RFC3: variants seen among roughly 807,000 people sequenced by gnomAD.
RFC3 encodes the protein replication factor C subunit 3, also known as A1 38 kDa subunit.
RFC3 carries 41 observed loss-of-function variants against 45.1 expected under a neutral mutation model. The ratio of observed to expected loss-of-function variants is 0.91; its 90% confidence interval spans 0.71 to 1.18. The LOEUF is 1.18. Ranked by LOEUF, RFC3 falls within the 50% of genes most tolerant of loss-of-function variation. The pLI is 0.00. For synonymous variants in RFC3, 149 were observed against 144.0 expected (o/e 1.03, Z -0.25); for missense variants, 423 against 428.1 (o/e 0.99, Z 0.10).
intron 8 of RFC3, among the ~76,000 whole-genome samples, chr13:33,877,973 A>T (rs965802260): frequency 1.3e-5 from 2 of 151,772 alleles, no homozygotes; most frequent in African/African-American, 4.8e-5. Context: ...GGACTGTGAG[A>T]TCTTGTCAAG....
chr13:33,925,703 A>G (rs2082807406), intron 8 of RFC3, among the ~76,000 whole-genome samples: 1 of 151,584 alleles, frequency 6.6e-6, no homozygotes, highest in Admixed American at 6.6e-5. Context: ...ACACACACAC[A>G]CACACATATA....
At chr13:33,925,020 C>G (rs1287099059) in intron 8 of RFC3, among the ~76,000 whole-genome samples, 2 of 149,328 alleles carry the variant, frequency 1.3e-5, no homozygotes, top group Non-Finnish European at 3.0e-5. Flanking sequence ...AATCATTTCA[C>G]TATATATATA....
chr13:33,823,034 T>C (rs2082017275), intron 2 of RFC3, among the ~76,000 whole-genome samples: 2 of 152,080 alleles, frequency 1.3e-5, no homozygotes, highest in African/African-American at 4.8e-5. Flanking sequence ...GAGAAAAATA[T>C]AAGAGGCATT....
chr13:33,915,380 T>C (rs1167805875), intron 8 of RFC3, among the ~76,000 whole-genome samples: 4 of 152,188 alleles, frequency 2.6e-5, no homozygotes, highest in African/African-American at 9.6e-5. Context: ...TATATATTTG[T>C]CCTATTAAAC....
At chr13:33,867,032 G>C (rs910868831) in intron 8 of RFC3, among the ~76,000 whole-genome samples, 2 of 152,114 alleles carry the variant, frequency 1.3e-5, no homozygotes, top group Admixed American at 6.5e-5. Context: ...CCTGATCTAC[G>C]AAGGAAGGAC....
In RFC3 at chr13:33,821,219, C is replaced by A; in HGVS notation, c.175C>A (p.Leu59Ile). 2 of 1,613,670 alleles carry A rather than the reference C, an allele frequency of 1.2e-6. No homozygotes were observed. The highest frequency in any genetic ancestry group is 1.7e-6 in the Non-Finnish European group (2 of 1,179,736). Reference sequence around the variant, plus strand: ...AAGAATTATGTGTATTCTACGTGAACTTTATGGTGTTGGAGTGGAAAAATT... The same window carrying A: ...AAGAATTATGTGTATTCTACGTGAAATTTATGGTGTTGGAGTGGAAAAATT... ...KTRIMCILRE[L>I]YGVGVEKLRI... is the part of the protein sequence containing the mutation. The change falls in exon 2 of 9, where the codon CTT becomes ATT. Residue 59 changes from leucine (L) to isoleucine (I), a missense_variant. Coordinates refer to ENST00000380071, the MANE Select transcript of RFC3 (RefSeq NM_002915.4).
chr13:33,976,249 A>G, the RFC3 span, among the ~76,000 whole-genome samples: 1 of 152,228 alleles, frequency 6.6e-6, no homozygotes, highest in East Asian at 1.9e-4. Context: ...ACACAATGGA[A>G]TATTAAAATG....
At chr13:33,903,187 A>T (rs964754695) in intron 8 of RFC3, among the ~76,000 whole-genome samples, 5 of 152,094 alleles carry the variant, frequency 3.3e-5, no homozygotes, top group Non-Finnish European at 5.9e-5. Flanking sequence ...CTACAGAGAA[A>T]GTTCTCTGTC....
Position 33,836,185 on chromosome 13 carries a change from C to G in RFC3, c.961C>G (p.Arg321Gly). 1 of 1,613,370 alleles carries G rather than the reference C, an allele frequency of 6.2e-7. No homozygotes were observed. The highest frequency in any genetic ancestry group is 8.5e-7 in the Non-Finnish European group (1 of 1,179,482). ...VAQMAAYYEH[R>G]LQLGSKAIYH... ...ACAAATGGCAGCTTACTATGAGCAT[C>G]GTCTACAGCTGGGTAGCAAAGCCAT... is the stretch of plus-strand genomic sequence containing the variant. The change falls in exon 9 of 9, where the codon CGT (arginine) becomes GGT (glycine). Residue 321 changes from arginine to glycine, a missense_variant. Transcript: ENST00000380071.
At chr13:33,904,137 C>A (rs779707570) in intron 8 of RFC3, among the ~76,000 whole-genome samples, 2 of 151,954 alleles carry the variant, frequency 1.3e-5, no homozygotes, top group Non-Finnish European at 2.9e-5. Context: ...ATTTGCTGTA[C>A]CTTAGGGACT....
chr13:33,896,710 T>C (rs1329678201), intron 8 of RFC3, among the ~76,000 whole-genome samples: 1 of 48,524 alleles, frequency 2.1e-5, no homozygotes, highest in Non-Finnish European at 3.4e-5. Flanking sequence ...AGACTTTGTC[T>C]CAAAAAAAAA....
At chr13:33,829,082 T>G (rs1459809356) in intron 4 of RFC3, among the ~76,000 whole-genome samples, 1 of 152,240 alleles carries the variant, frequency 6.6e-6, no homozygotes, top group Non-Finnish European at 1.5e-5. Context: ...GTTGTTCTGT[T>G]TATTTTTATG....
downstream of RFC3, among the ~76,000 whole-genome samples, chr13:33,839,470 T>C (rs993864342): frequency 2.6e-5 from 4 of 152,244 alleles, no homozygotes; most frequent in Non-Finnish European, 5.9e-5. Flanking sequence ...TGTATGGTTG[T>C]ATCACTAGGC....
intron 4 of RFC3, among the ~76,000 whole-genome samples, chr13:33,828,746 G>T (rs1289636453): frequency 6.6e-6 from 1 of 152,154 alleles, no homozygotes. Context: ...GGCTAGTGTT[G>T]AATTCTTGGG....
chr13:33,969,219 A>G (rs547389714), downstream of RFC3, among the ~76,000 whole-genome samples: 1 of 152,342 alleles, frequency 6.6e-6, no homozygotes, highest in African/African-American at 2.4e-5. Context: ...TTGAAAAGCC[A>G]CAGGGAATCA....
intron 8 of RFC3, among the ~76,000 whole-genome samples, chr13:33,891,651 GAAC>G (rs1323129909): frequency 1.3e-5 from 2 of 151,902 alleles, no homozygotes; most frequent in African/African-American, 2.4e-5. Context: ...ACCCATCAAT[GAAC>G]AACAACAAAA....
At chr13:33,872,587 G>C (rs375605216) in intron 8 of RFC3, among the ~76,000 whole-genome samples, 7 of 152,090 alleles carry the variant, frequency 4.6e-5, no homozygotes, top group African/African-American at 1.7e-4. Context: ...TACAAAATTA[G>C]CCGGGCCTGG....
intron 8 of RFC3, among the ~76,000 whole-genome samples, chr13:33,920,458 T>C (rs1210946631): frequency 7.8e-6 from 1 of 127,540 alleles, no homozygotes; most frequent in African/African-American, 3.1e-5. Flanking sequence ...AACAAGGTCC[T>C]CACTCTGTCT....
chr13:33,928,950 A>G (rs2082834479), intron 8 of RFC3, among the ~76,000 whole-genome samples: 1 of 152,118 alleles, frequency 6.6e-6, no homozygotes, highest in South Asian at 2.1e-4. Context: ...CATTTAAAAC[A>G]ATTTTTTTCT....
Sources: gnomAD v4.1 joint callset for allele counts (sites outside exome capture counted in the v4.1 genomes callset) on GRCh38, gnomAD v4.1.1 for gene constraint, MANE v1.5 for transcripts, NCBI Gene and HGNC (gene_info 2026-07-23, HGNC 2026-07-21) for gene names.